MYT1L: variants seen among roughly 807,000 people sequenced by gnomAD.
MYT1L encodes the protein myelin transcription factor 1 like, also known as myelin transcription factor 1-like protein.
Under a neutral mutation model 126.7 loss-of-function variants are expected in MYT1L, and 12 were observed. That is an observed-to-expected ratio of 0.09 (90% CI 0.06 to 0.15). The LOEUF is 0.15. MYT1L is among the 10% of genes least tolerant of loss of function. The pLI is 1.00. For missense variants in MYT1L, 979 were observed against 1,585.2 expected, an observed-to-expected ratio of 0.62 and a Z score of 6.49; for synonymous variants, 541 against 604.2, an observed-to-expected ratio of 0.90 and a Z score of 1.53.
intron 3 of MYT1L, among the ~76,000 whole-genome samples, chr2:2,074,271 A>G (rs529088231): frequency 6.6e-6 from 1 of 152,308 alleles, no homozygotes; most frequent in South Asian, 2.1e-4. Context: ...GTTTCACACA[A>G]AAGTTGTATT....
chr2:2,023,081 A>G (rs2065192439), intron 4 of MYT1L, among the ~76,000 whole-genome samples: 1 of 152,216 alleles, frequency 6.6e-6, no homozygotes, highest in Admixed American at 6.5e-5. Flanking sequence ...ATCTTTGTCA[A>G]TGAAACAGAG....
At chr2:2,283,703 A>T (rs1173766686) in intron 2 of MYT1L, among the ~76,000 whole-genome samples, 1 of 152,100 alleles carries the variant, frequency 6.6e-6, no homozygotes, top group Non-Finnish European at 1.5e-5. Flanking sequence ...AGGCAATGCT[A>T]CTCTTTCATG....
In MYT1L at chr2:2,295,715, G is replaced by GAC. The variant is rs1559585482; in HGVS notation, c.-520-11213_-520-11212insGT. ...AGAGAGAGAGAGAGACAGACAGACA[G>GAC]AGAGAGAGATAGAGAGACAGACAGA... On this transcript the variant is annotated intron_variant, in intron 1 of 24. Transcript: ENST00000647738. Among the ~76,000 whole-genome samples the GAC allele has an allele frequency of 5.2e-4, 74 of 143,218 alleles. 2 individuals carry two copies. Among genetic ancestry groups the GAC allele is most frequent in the African/African-American group, 1.8e-3 (67 of 37,068 alleles). The allele number at this position is 143,218 out of a possible 152,430, so 94.0% of individuals were successfully genotyped here. A position where few individuals can be genotyped will look rare whatever the true frequency, so the allele number is the denominator to read the frequency against.
chr2:1,946,349 T>C (rs1573854490), intron 8 of MYT1L, among the ~76,000 whole-genome samples: 3 of 152,252 alleles, frequency 2.0e-5, no homozygotes, highest in South Asian at 4.2e-4. Context: ...AAAAATATAA[T>C]GCACTTGAAT....
intron 5 of MYT1L, among the ~76,000 whole-genome samples, chr2:1,984,503 TAA>T (rs1301003661): frequency 6.8e-5 from 9 of 132,014 alleles, no homozygotes; most frequent in African/African-American, 9.9e-5. Context: ...GGCCAAGAAC[TAA>T]TTTTTTTTTT....
At chr2:1,940,911 G>A (rs183755882) in intron 9 of MYT1L, among the ~76,000 whole-genome samples, 2 of 152,356 alleles carry the variant, frequency 1.3e-5, no homozygotes, top group Admixed American at 6.5e-5. Flanking sequence ...TGGGTCCTGA[G>A]GCACGATCAG....
At chr2:2,110,515 C>A (rs2079290615) in intron 3 of MYT1L, among the ~76,000 whole-genome samples, 1 of 152,010 alleles carries the variant, frequency 6.6e-6, no homozygotes, top group African/African-American at 2.4e-5. Flanking sequence ...TGGCTCTTCT[C>A]TATTAGCTTT....
intron 3 of MYT1L, among the ~76,000 whole-genome samples, chr2:2,086,115 C>T (rs751965635): frequency 1.3e-5 from 2 of 152,148 alleles, no homozygotes; most frequent in East Asian, 1.9e-4. Flanking sequence ...TATAACATGC[C>T]TCTGTCTTGA....
chr2:2,308,767 C>T (rs1339091489), intron 1 of MYT1L, among the ~76,000 whole-genome samples: 1 of 151,626 alleles, frequency 6.6e-6, no homozygotes, highest in African/African-American at 2.4e-5. Flanking sequence ...ACACTCTACC[C>T]ATACCTTCAG....
At chr2:2,310,160 C>G (rs186903227) in intron 1 of MYT1L, among the ~76,000 whole-genome samples, 8 of 151,446 alleles carry the variant, frequency 5.3e-5, no homozygotes. Context: ...TATACTCCAC[C>G]TACACTTCAG....
rs139820823 is a variant in MYT1L at position 2,210,991 on chromosome 2, T to A, written c.-420-38003A>T. ...TGTATTTAATTTTATGTGTGGCTAT[T>A]ATAAATAGGATTGCTCTTTTGATTT... On this transcript the variant is annotated intron_variant, in intron 2 of 24. Transcript: ENST00000647738. 3.9e-5 allele frequency among the ~76,000 whole-genome samples: 6 copies of A among 152,296 alleles called. No homozygotes were observed. The East Asian group carries it at 1.2e-3, about 29-fold the overall frequency.
chr2:2,234,578 C>T (rs552259495), intron 2 of MYT1L, among the ~76,000 whole-genome samples: 13 of 152,280 alleles, frequency 8.5e-5, no homozygotes, highest in South Asian at 4.1e-4. Context: ...AAGTTGGCAA[C>T]GCTGCTTTGC....
chr2:1,993,323 T>C (rs1218834462), intron 5 of MYT1L, among the ~76,000 whole-genome samples: 1 of 152,152 alleles, frequency 6.6e-6, no homozygotes, highest in Non-Finnish European at 1.5e-5. Flanking sequence ...GCCGCTGCTG[T>C]CTCTCTTCCC....
intron 5 of MYT1L, among the ~76,000 whole-genome samples, chr2:1,982,084 C>T (rs2060651741): frequency 6.6e-6 from 1 of 152,158 alleles, no homozygotes; most frequent in South Asian, 2.1e-4. Flanking sequence ...CATCAATGCT[C>T]TGAAATTGCT....
In MYT1L at chr2:1,790,163, C is replaced by T. The variant is rs922297570; in HGVS notation, c.*1704G>A. 2 of 152,130 alleles carry T rather than the reference C, an allele frequency of 1.3e-5. No homozygotes were observed. The highest frequency in any genetic ancestry group is 2.4e-5 in the African/African-American group (1 of 41,418). 9.4% of individuals were successfully genotyped at this position (152,130 alleles called of 1,614,324 possible). On this transcript the variant is annotated 3_prime_UTR_variant, in exon 25 of 25. Coordinates refer to ENST00000647738, the MANE Select transcript of MYT1L (RefSeq NM_001303052.2). ...ATAGGACAAGGTAAGTGCAAATAGT[C>T]GACTGGCACATTGTGGGGACAATGA...
chr2:1,941,709 CTATG>C (rs1427191462), intron 9 of MYT1L, among the ~76,000 whole-genome samples: 1 of 149,652 alleles, frequency 6.7e-6, no homozygotes, highest in Non-Finnish European at 1.5e-5. Flanking sequence ...ACATATCTAT[CTATG>C]TGTGTGTACA....
intron 14 of MYT1L, among the ~76,000 whole-genome samples, chr2:1,899,388 C>T (rs1449801573): frequency 1.3e-5 from 2 of 152,218 alleles, no homozygotes; most frequent in African/African-American, 4.8e-5. Flanking sequence ...TTCTGCAATT[C>T]TTTAAAAATG....
intron 3 of MYT1L, among the ~76,000 whole-genome samples, chr2:2,159,612 C>A (rs1447619292): frequency 6.6e-6 from 1 of 152,064 alleles, no homozygotes; most frequent in East Asian, 1.9e-4. Context: ...GTGGCCGATG[C>A]CAGCCTGGGA....
chr2:2,312,651 T>G (rs992123853), intron 1 of MYT1L, among the ~76,000 whole-genome samples: 3 of 152,132 alleles, frequency 2.0e-5, no homozygotes, highest in African/African-American at 7.2e-5. Context: ...TTTTCATCAC[T>G]AGTAGCTTTT....
Sources: gnomAD v4.1 joint callset for allele counts (sites outside exome capture counted in the v4.1 genomes callset) on GRCh38, gnomAD v4.1.1 for gene constraint, MANE v1.5 for transcripts, NCBI Gene and HGNC (gene_info 2026-07-23, HGNC 2026-07-21) for gene names.